The following DDX60L variants were observed in gnomAD, a reference collection of about 807,000 sequenced individuals.
The protein encoded by DDX60L is probable ATP-dependent RNA helicase DDX60-like.
A neutral mutation model predicts 211.6 loss-of-function variants in DDX60L; 191 were observed. The ratio of observed to expected loss-of-function variants is 0.90; its 90% confidence interval spans 0.80 to 1.02. The LOEUF (loss-of-function observed/expected upper bound fraction) is 1.02. Among genes scored for constraint, DDX60L ranks in the 50% least tolerant of loss-of-function variants. The pLI, the probability that DDX60L is intolerant of heterozygous loss-of-function variation, is 0.00. For missense variants in DDX60L, 2,007 were observed against 1,984.1 expected (o/e 1.01, Z -0.22); for synonymous variants, 706 against 694.1 (o/e 1.02, Z -0.27).
chr4:168,358,524 C>CTTTTTTTTT (rs70961514), intron 37 of DDX60L, among the ~76,000 whole-genome samples: 8 of 108,226 alleles, frequency 7.4e-5, no homozygotes, highest in East Asian at 2.9e-4. Context: ...TTTTCTTTTT[C>CTTTTTTTTT]TTTTTTTTTT....
chr4:168,376,546 G>C (rs1218072863), intron 33 of DDX60L, among the ~76,000 whole-genome samples: 1 of 152,202 alleles, frequency 6.6e-6, no homozygotes, highest in African/African-American at 2.4e-5. Context: ...ACAGTGGATA[G>C]TATGACAATT....
At chr4:168,360,641 C>T (rs973743522) in intron 37 of DDX60L, among the ~76,000 whole-genome samples, 1 of 152,208 alleles carries the variant, frequency 6.6e-6, no homozygotes, top group Non-Finnish European at 1.5e-5. Flanking sequence ...GGAGTGCCCA[C>T]ATAGAGTTCA....
intron 11 of DDX60L, among the ~76,000 whole-genome samples, 155 bp from the exon 12 acceptor site, chr4:168,432,725 T>C (rs1752533479): frequency 6.6e-6 from 1 of 151,830 alleles, no homozygotes; most frequent in Non-Finnish European, 1.5e-5. Flanking sequence ...ACCCTGAATT[T>C]CTGCCATTCC....
In DDX60L at chr4:168,430,539, A is replaced by G. The variant is rs184102824; in HGVS notation, c.1616T>C (p.Ile539Thr). 4.4e-5 allele frequency: 71 copies of G among 1,611,060 alleles called. No homozygotes were observed. The Admixed American group carries it at 1.1e-3, about 25-fold the overall frequency. The change falls in exon 13 of 38, where the codon ATT becomes ACT. Residue 539 changes from isoleucine (I) to threonine (T), a missense_variant. Physicochemically the swap from Ile to Thr is moderately conservative, Grantham distance 89 (BLOSUM62 -1). Coordinates refer to ENST00000682922, the MANE Select transcript of DDX60L (RefSeq NM_001012967.3). ...CTTTGGCCGAGTAGTTTGAGTCACA[A>G]TGACTTTCGTAGAGATTGATTCTAA... ...KSLESISTKV[I>T]VTQTTRPKED...
intron 1 of DDX60L, among the ~76,000 whole-genome samples, chr4:168,476,651 T>TA (rs33931313): frequency 5.3e-5 from 8 of 151,820 alleles, no homozygotes; most frequent in Admixed American, 4.6e-4. Flanking sequence ...TGATGGAAGT[T>TA]AAAAAAAATT....
chr4:168,390,545 G>A, intron 29 of DDX60L: 2 of 1,315,682 alleles, frequency 1.5e-6, no homozygotes, highest in Non-Finnish European at 2.0e-6. Flanking sequence ...ATTTGAATAA[G>A]AAAAGAGGAA....
At chr4:168,439,153 A>C (rs1753473636) in intron 10 of DDX60L, among the ~76,000 whole-genome samples, 1 of 152,222 alleles carries the variant, frequency 6.6e-6, no homozygotes, top group African/African-American at 2.4e-5. Context: ...ATGGGTGCTC[A>C]GATGACAAGA....
intron 17 of DDX60L, among the ~76,000 whole-genome samples, chr4:168,421,525 C>T (rs1376540074): frequency 6.6e-6 from 1 of 152,024 alleles, no homozygotes; most frequent in Non-Finnish European, 1.5e-5. Flanking sequence ...CATGGCAGCA[C>T]GTGCCTATAA....
In DDX60L at chr4:168,415,767, T is replaced by C; in HGVS notation, c.2759A>G (p.Gln920Arg). Residue 920 changes from glutamine (Q) to arginine (R), a missense_variant, in exon 21 of 38, where the codon CAG (glutamine) becomes CGG (arginine). By Grantham distance (43) the Gln-to-Arg change is conservative. Coordinates refer to ENST00000682922, the MANE Select transcript of DDX60L (RefSeq NM_001012967.3). ...TTTCTCTTCCATAATCTTGTCTGCC[T>C]GTTTCCAGTACTGTTTTACTGATTG... ...WLQSVKQYWK[Q>R]ADKIMEEKCI... 1 of 1,582,326 alleles carries C rather than the reference T, an allele frequency of 6.3e-7. No individual in the cohort carries two copies. Among genetic ancestry groups the C allele is most frequent in the Non-Finnish European group, 8.6e-7 (1 of 1,162,994 alleles).
intron 30 of DDX60L, among the ~76,000 whole-genome samples, chr4:168,383,211 AT>A (rs1743264047): frequency 6.6e-6 from 1 of 152,144 alleles, no homozygotes; most frequent in African/African-American, 2.4e-5. Flanking sequence ...AAACAAAATT[AT>A]TTTTTTCTGT....
intron 26 of DDX60L, among the ~76,000 whole-genome samples, chr4:168,400,530 T>G (rs1297468300): frequency 1.3e-5 from 2 of 152,134 alleles, no homozygotes; most frequent in Non-Finnish European, 2.9e-5. Context: ...GGTTGTGGCC[T>G]AGGGCATGAA....
chr4:168,368,334 C>T (rs1419520665), intron 36 of DDX60L, among the ~76,000 whole-genome samples: 2 of 152,310 alleles, frequency 1.3e-5, no homozygotes, highest in Middle Eastern at 3.4e-3. Flanking sequence ...GGGTGCAAGC[C>T]CCAAGCCTTG....
intron 4 of DDX60L, among the ~76,000 whole-genome samples, chr4:168,468,532 T>C (rs567298046): frequency 7.1e-4 from 108 of 152,294 alleles, no homozygotes; most frequent in Middle Eastern, 3.4e-3. Context: ...CTACAGCTAA[T>C]ATGATACCTA....
chr4:168,390,774 T>C (rs1313655453), intron 29 of DDX60L, among the ~76,000 whole-genome samples: 1 of 152,094 alleles, frequency 6.6e-6, no homozygotes, highest in Non-Finnish European at 1.5e-5. Flanking sequence ...TGTCTAAATC[T>C]CTGTTATATA....
intron 36 of DDX60L, among the ~76,000 whole-genome samples, chr4:168,366,242 A>G (rs1160886776): frequency 6.6e-6 from 1 of 152,166 alleles, no homozygotes; most frequent in Non-Finnish European, 1.5e-5. Context: ...AGGAAACCCT[A>G]AAGACTTAAT....
chr4:168,441,203 C>A, intron 10 of DDX60L, 134 bp downstream of exon 10: 1 of 831,058 alleles, frequency 1.2e-6, no homozygotes. Context: ...TATTTTAAAC[C>A]TCAATTAAGA....
At chr4:168,464,504 T>A (rs1757724238) in intron 4 of DDX60L, among the ~76,000 whole-genome samples, 2 of 151,438 alleles carry the variant, frequency 1.3e-5, no homozygotes, top group Admixed American at 1.3e-4. Flanking sequence ...TCTTGTACTC[T>A]TGGCTTCAAA....
chr4:168,449,022 T>C (rs538754288), intron 8 of DDX60L, among the ~76,000 whole-genome samples: 1 of 152,298 alleles, frequency 6.6e-6, no homozygotes, highest in East Asian at 1.9e-4. Context: ...TAGTACGCTG[T>C]TCCCTTAATG....
chr4:168,358,832 T>C (rs1027008549), intron 37 of DDX60L, among the ~76,000 whole-genome samples: 8 of 152,162 alleles, frequency 5.3e-5, no homozygotes. Flanking sequence ...TTCCTCTTTA[T>C]ATTACACCTA....
Sources: allele counts gnomAD v4.1 joint callset (sites outside exome capture counted in the v4.1 genomes callset), GRCh38; gene constraint gnomAD v4.1.1; transcripts MANE v1.5; gene names NCBI Gene and HGNC (gene_info 2026-07-23, HGNC 2026-07-21).